FHIT: variants seen among roughly 807,000 people sequenced by gnomAD.
FHIT encodes fragile histidine triad diadenosine triphosphatase.
In FHIT, 19 loss-of-function variants were observed where a neutral mutation model predicts 17.9. The ratio of observed to expected loss-of-function variants is 1.06; its 90% CI spans 0.74 to 1.56. FHIT has a LOEUF of 1.56. Ranked by LOEUF, FHIT falls within the 40% of genes most tolerant of loss-of-function variation. The pLI is 0.00. For missense variants in FHIT, 248 were observed against 189.2 expected (o/e 1.31, Z -1.82); for synonymous variants, 81 against 69.7 (o/e 1.16, Z -0.81).
intron 4 of FHIT, among the ~76,000 whole-genome samples, chr3:60,592,639 T>C (rs1361412857): frequency 1.3e-5 from 2 of 152,152 alleles, no homozygotes; most frequent in Non-Finnish European, 2.9e-5. Flanking sequence ...TTTAATGACA[T>C]GTTCCAGAAG....
chr3:61,081,465 T>C (rs931825128), intron 2 of FHIT, among the ~76,000 whole-genome samples: 1 of 152,224 alleles, frequency 6.6e-6, no homozygotes, highest in African/African-American at 2.4e-5. Flanking sequence ...CTTTGATGCA[T>C]TATGTTCTAC....
At chr3:60,107,139 A>G (rs1704454220) in intron 5 of FHIT, among the ~76,000 whole-genome samples, 1 of 146,188 alleles carries the variant, frequency 6.8e-6, no homozygotes. Flanking sequence ...TAACCTTTAA[A>G]AGCTTTAATT....
intron 5 of FHIT, among the ~76,000 whole-genome samples, chr3:60,235,903 T>C (rs1397853762): frequency 6.6e-6 from 1 of 152,164 alleles, no homozygotes; most frequent in Non-Finnish European, 1.5e-5. Context: ...ACTAGAGCGT[T>C]CAATTGGCTC....
rs146786111 is a variant in FHIT at position 60,226,337 on chromosome 3, T to C, written c.104-212185A>G. ...AAAATACAAAATTAGCCAGGCATAG[T>C]GGCGCATGCCTGTAATCCCAGCTAT... On this transcript the variant is annotated intron_variant, in intron 5 of 9. Transcript: ENST00000492590. 6.1e-3 allele frequency among the ~76,000 whole-genome samples: 925 copies of C among 152,122 alleles called. 10 individuals carry two copies. The highest frequency in any genetic ancestry group is 0.02 in the African/African-American group (849 of 41,478).
intron 5 of FHIT, among the ~76,000 whole-genome samples, chr3:60,134,104 G>A (rs775734718): frequency 1.3e-5 from 2 of 151,992 alleles, no homozygotes; most frequent in Non-Finnish European, 2.9e-5. Flanking sequence ...CAGGAGAAAT[G>A]ATATTAAAGA....
At chr3:60,683,170 C>T (rs782632709) in intron 4 of FHIT, among the ~76,000 whole-genome samples, 11 of 152,068 alleles carry the variant, frequency 7.2e-5, no homozygotes, top group Non-Finnish European at 1.5e-4. Flanking sequence ...TTATGAACAT[C>T]GTTGAAATGA....
At chr3:60,635,495 A>T (rs1553683580) in intron 4 of FHIT, among the ~76,000 whole-genome samples, 1 of 151,898 alleles carries the variant, frequency 6.6e-6, no homozygotes, top group Admixed American at 6.6e-5. Flanking sequence ...CCCCACCTCT[A>T]CTACCTGGCT....
At chr3:60,569,694 C>T (rs1576897889) in intron 4 of FHIT, among the ~76,000 whole-genome samples, 1 of 139,152 alleles carries the variant, frequency 7.2e-6, no homozygotes, top group African/African-American at 2.7e-5. Flanking sequence ...AAATTAGTCA[C>T]CTCATATTTA....
chr3:60,515,154 A>G (rs2035103828), intron 5 of FHIT, among the ~76,000 whole-genome samples: 1 of 152,118 alleles, frequency 6.6e-6, no homozygotes, highest in South Asian at 2.1e-4. Flanking sequence ...TGCTAGATAA[A>G]CAAGCCATTA....
intron 5 of FHIT, among the ~76,000 whole-genome samples, chr3:60,185,793 TTTTGGTA>T (rs1702134747): frequency 1.3e-5 from 2 of 152,210 alleles, no homozygotes. Context: ...TATTGTCAGT[TTTTGGTA>T]TTTGGTATTT....
At chr3:60,100,484 T>C (rs1056922993) in intron 5 of FHIT, among the ~76,000 whole-genome samples, 1 of 152,172 alleles carries the variant, frequency 6.6e-6, no homozygotes, top group Non-Finnish European at 1.5e-5. Flanking sequence ...TCCAGAATTG[T>C]GTCATTTTAA....
rs192558901 is a variant in FHIT, at chr3:60,250,796, A to G, written c.104-236644T>C. Among the ~76,000 whole-genome samples, 249 of 152,306 alleles carry G rather than the reference A, an allele frequency of 1.6e-3. 1 individual carries two copies. The highest frequency in any genetic ancestry group is 3.0e-3 in the Non-Finnish European group (202 of 68,028). ...TTAAAAAAAAGACCACCTGATTTTC[A>G]ATCGACAATGAGACTTGGTTTTGCT... On this transcript the variant is annotated intron_variant, in intron 5 of 9. Transcript: ENST00000492590.
chr3:60,752,614 C>T (rs1186175511), intron 4 of FHIT, among the ~76,000 whole-genome samples: 6 of 152,208 alleles, frequency 3.9e-5, no homozygotes, highest in African/African-American at 1.2e-4. Flanking sequence ...ATACATTCCA[C>T]TTGTGTAGGT....
intron 8 of FHIT, among the ~76,000 whole-genome samples, chr3:59,789,776 A>G (rs554124486): frequency 1.3e-5 from 2 of 152,334 alleles, no homozygotes; most frequent in Admixed American, 1.3e-4. Context: ...CATCAGTGAC[A>G]TTCTAGCATC....
intron 8 of FHIT, among the ~76,000 whole-genome samples, chr3:59,821,766 T>G (rs1700800419): frequency 6.6e-6 from 1 of 152,160 alleles, no homozygotes; most frequent in South Asian, 2.1e-4. Context: ...AAAAAAAATA[T>G]ATAAATGATC....
At chr3:60,572,232 C>T (rs2037408341) in intron 4 of FHIT, among the ~76,000 whole-genome samples, 1 of 151,880 alleles carries the variant, frequency 6.6e-6, no homozygotes, top group Non-Finnish European at 1.5e-5. Context: ...TGATATTCTT[C>T]TCTGTGCATG....
intron 8 of FHIT, among the ~76,000 whole-genome samples, chr3:59,755,512 G>T (rs879304483): frequency 2.0e-5 from 3 of 152,218 alleles, no homozygotes; most frequent in East Asian, 3.9e-4. Context: ...GGCAGTATTT[G>T]CCGTGGGTGA....
intron 5 of FHIT, among the ~76,000 whole-genome samples, chr3:60,114,786 CAAAAAGAA>C (rs1225786655): frequency 6.6e-6 from 1 of 151,828 alleles, no homozygotes; most frequent in East Asian, 1.9e-4. Context: ...TAAACTTATT[CAAAAAGAA>C]AAATCTTCCT....
chr3:60,180,923 A>T (rs1305186830), intron 5 of FHIT, among the ~76,000 whole-genome samples: 1 of 152,076 alleles, frequency 6.6e-6, no homozygotes, highest in African/African-American at 2.4e-5. Context: ...AAACAAACTA[A>T]GTAAGCATTT....
Sources: gnomAD v4.1 joint callset for allele counts (sites outside exome capture counted in the v4.1 genomes callset) on GRCh38, gnomAD v4.1.1 for gene constraint, MANE v1.5 for transcripts, NCBI Gene and HGNC (gene_info 2026-07-23, HGNC 2026-07-21) for gene names.